TSC2: variants seen among roughly 807,000 people sequenced by gnomAD.
TSC2 encodes tuberin.
Under a neutral mutation model 202.2 loss-of-function variants are expected in TSC2, and 29 were observed. That is an observed-to-expected ratio of 0.14 (90% CI 0.11 to 0.20). The LOEUF is 0.20. Ranked by LOEUF, TSC2 falls within the 10% of genes least tolerant of loss-of-function variation. TSC2 has a pLI of 1.00. For missense variants in TSC2, 2,429 were observed against 2,420.0 expected, an observed-to-expected ratio of 1.00 and a Z score of -0.08; for synonymous variants, 1,349 against 1,044.0, an observed-to-expected ratio of 1.29 and a Z score of -5.63.
chr16:2,070,915 G>A (rs941208887), intron 17 of TSC2, among the ~76,000 whole-genome samples: 3 of 152,122 alleles, frequency 2.0e-5, no homozygotes, highest in Admixed American at 6.6e-5. Flanking sequence ...CTGGGCAGGT[G>A]GGCGGCACAG....
Position 2,083,749 on chromosome 16 carries a change from A to G in TSC2, c.3938A>G (p.Glu1313Gly). ...GSPGEVPVLV[E>G]PPGLEDVEAA... ...CCGGGCGAGGTTCCTGTGCTGGTGGAGCCCCCAGGGTTGGAGGACGTTGAG... is the reference window on the plus strand; with the variant it reads ...CCGGGCGAGGTTCCTGTGCTGGTGGGGCCCCCAGGGTTGGAGGACGTTGAG... Residue 1313 changes from glutamate (E) to glycine (G), a missense_variant, in exon 33 of 42, where the codon GAG becomes GGG. Transcript: ENST00000219476. 6.2e-7 allele frequency: 1 copy of G among 1,607,748 alleles called. No individual in the cohort carries two copies. Among genetic ancestry groups the G allele is most frequent in the South Asian group, 1.1e-5 (1 of 89,734 alleles).
chr16:2,055,929 T>C, intron 6 of TSC2: 1 of 571,098 alleles, frequency 1.8e-6, no homozygotes, highest in Non-Finnish European at 3.1e-6. Context: ...GTAGCTATCT[T>C]CTGTTTAGCT....
intron 11 of TSC2, chr16:2,061,155 A>G: frequency 2.5e-6 from 1 of 395,420 alleles, no homozygotes; most frequent in East Asian, 5.5e-5. Flanking sequence ...TGGCTTCCGC[A>G]TGACTTTGGA....
intron 33 of TSC2, among the ~76,000 whole-genome samples, 180 bp from the exon 34 acceptor site, chr16:2,084,048 T>C (rs2090459321): frequency 2.0e-5 from 3 of 152,142 alleles, no homozygotes; most frequent in South Asian, 2.1e-4. Flanking sequence ...GCTCACGCAG[T>C]GTGGGGCACA....
In TSC2 at chr16:2,076,467, G is replaced by A. The variant is rs761565327; in HGVS notation, c.2743-24G>A. ...CCAGCCCCCATTGCCACCCCTCACTGTCTGGGTGTGCTCACTCTGCCAGGG... is the reference window on the plus strand; with the variant it reads ...CCAGCCCCCATTGCCACCCCTCACTATCTGGGTGTGCTCACTCTGCCAGGG... On this transcript the variant is annotated intron_variant, in intron 24 of 41. Transcript: ENST00000219476. 6.8e-6 allele frequency: 11 copies of A among 1,612,818 alleles called. No individual in the cohort carries two copies. In the African/African-American group the frequency reaches 1.5e-4, roughly 22 times the overall value.
At chr16:2,084,182 G>C (rs199721718) in intron 33 of TSC2, 46 bp from the exon 34 acceptor site, 3 of 1,551,452 alleles carry the variant, frequency 1.9e-6, no homozygotes, top group Non-Finnish European at 1.7e-6. Flanking sequence ...AGGTGGGCTC[G>C]AGGGTGCCTG....
chr16:2,048,036 G>T lies in TSC2; in HGVS notation c.-59G>T. 7.0e-7 allele frequency: 1 copy of T among 1,430,068 alleles called. No homozygotes were observed. Among genetic ancestry groups the T allele is most frequent in the African/African-American group, 1.5e-5 (1 of 67,096 alleles). The allele number at this position is 1,430,068 out of a possible 1,614,324, so 88.6% of individuals were successfully genotyped here. A position where few individuals can be genotyped will look rare whatever the true frequency, so the allele number is the denominator to read the frequency against. ...GGGGTGCGCCTTTCTCCGCGTCGGG[G>T]CGGCCCGGAGCGCGGTGGCGCGGCG... On this transcript the variant is annotated 5_prime_UTR_variant, in exon 1 of 42. Coordinates refer to ENST00000219476, the MANE Select transcript of TSC2 (RefSeq NM_000548.5).
In TSC2 at chr16:2,088,909, C is replaced by A. The variant is rs1349970515; in HGVS notation, c.*299C>A. On this transcript the variant is annotated 3_prime_UTR_variant, in exon 42 of 42. Coordinates refer to ENST00000219476, the MANE Select transcript of TSC2 (RefSeq NM_000548.5). Reference sequence around the variant, plus strand: ...CACACACACACACACAGTCACCTTCCTCCACCCTGGGAGCCAGCCCCCAGG... The same window carrying A: ...CACACACACACACACAGTCACCTTCATCCACCCTGGGAGCCAGCCCCCAGG... 4.9e-6 allele frequency: 2 copies of A among 410,546 alleles called. No homozygotes were observed. Among genetic ancestry groups the A allele is most frequent in the Non-Finnish European group, 8.9e-6 (2 of 224,066 alleles). 25.4% of individuals were successfully genotyped at this position (410,546 alleles called of 1,614,324 possible). A position where few individuals can be genotyped will look rare whatever the true frequency, so the allele number is the denominator to read the frequency against.
intron 29 of TSC2, 37 bp from the exon 30 acceptor site, chr16:2,080,128 T>G: frequency 6.2e-7 from 1 of 1,611,602 alleles, no homozygotes; most frequent in Non-Finnish European, 8.5e-7. Context: ...TTGCATCAGG[T>G]AAGTGGTGGT....
Position 2,072,301 on chromosome 16 carries a change from A to C in TSC2, c.2158A>C (p.Lys720Gln), listed in dbSNP as rs1195091149. The C allele has an allele frequency of 6.2e-7, 1 of 1,614,094 alleles. No homozygotes were observed. The highest frequency in any genetic ancestry group is 8.5e-7 in the Non-Finnish European group (1 of 1,180,032). Residue 720 changes from lysine to glutamine, a missense_variant, in exon 20 of 42, where the codon AAA becomes CAA. Lys to Gln is a moderately conservative substitution (Grantham distance 53, BLOSUM62 1). Coordinates refer to ENST00000219476, the MANE Select transcript of TSC2 (RefSeq NM_000548.5). ...CAGGCTGCCTGAGTCCCTGCGCTAT[A>C]AAGTGCTCATCTTTACTTCCCCTTG... Reference protein sequence around the residue: ...LGRLPESLRYKVLIFTSPCSV... With the variant: ...LGRLPESLRYQVLIFTSPCSV...
At chr16:2,065,482 A>G (rs758505745) in intron 15 of TSC2, 37 bp from the exon 16 acceptor site, 4 of 1,552,516 alleles carry the variant, frequency 2.6e-6, no homozygotes, top group Non-Finnish European at 3.6e-6. Flanking sequence ...ACTCAGAACC[A>G]TGAGCCTGTG....
chr16:2,064,666 G>A, intron 15 of TSC2: 1 of 637,464 alleles, frequency 1.6e-6, no homozygotes, highest in Non-Finnish European at 2.7e-6. Context: ...CAGCTGGGCT[G>A]GGCCTCCTGG....
chr16:2,064,499 C>G (rs1174211032), intron 15 of TSC2, 72 bp downstream of exon 15: 3 of 1,603,878 alleles, frequency 1.9e-6, no homozygotes, highest in South Asian at 1.1e-5. Flanking sequence ...CCTCTGGGCC[C>G]TCTGTCCTCC....
At chr16:2,052,868 C>T (rs1438441503) in intron 3 of TSC2, among the ~76,000 whole-genome samples, 1 of 152,114 alleles carries the variant, frequency 6.6e-6, no homozygotes, top group South Asian at 2.1e-4. Flanking sequence ...CAGCAGAGGT[C>T]GGGCAGGGGC....
In TSC2 at chr16:2,072,923, C is replaced by T. The variant is rs45509500; in HGVS notation, c.2295C>T (p.Ala765=). 4.5e-5 allele frequency: 73 copies of T among 1,613,618 alleles called. No homozygotes were observed. The African/African-American group carries it at 8.0e-4, about 18-fold the overall frequency. Residue 765 remains alanine (A), a synonymous_variant, in exon 21 of 42, where the codon GCC becomes GCT. Coordinates refer to ENST00000219476, the MANE Select transcript of TSC2 (RefSeq NM_000548.5). ...TCTCCAGAACTGACTTGCACCTGGC[C>T]GTGGTTCCAGTGCTGACAGCATTAA... ...EGFSRTDLHL[A]VVPVLTALIS...
Position 2,086,364 on chromosome 16 carries a change from G to A in TSC2, c.4834G>A (p.Asp1612Asn), listed in dbSNP as rs886051795. The stretch of plus-strand genomic sequence containing the variant: ...CGGCCAGTTCACCTACTGCTGGCAC[G>A]ATGACATCATGCAAGGTACGGCCTG... Reference protein sequence around the residue: ...EDGQFTYCWHDDIMQAVFHIA... With the variant: ...EDGQFTYCWHNDIMQAVFHIA... The change falls in exon 37 of 42, where the codon GAT (aspartate) becomes AAT (asparagine). Residue 1612 changes from aspartate (D) to asparagine (N), a missense_variant. Asp to Asn is a conservative substitution (Grantham distance 23, BLOSUM62 1). Coordinates refer to ENST00000219476, the MANE Select transcript of TSC2 (RefSeq NM_000548.5). The A allele has an allele frequency of 1.1e-5, 18 of 1,612,680 alleles. No homozygotes were observed. Among genetic ancestry groups the A allele is most frequent in the East Asian group, 8.9e-5 (4 of 44,886 alleles).
chr16:2,060,665 TC>T lies in TSC2; in HGVS notation c.976-3del, dbSNP rs2151134253. 6.2e-6 allele frequency: 10 copies of T among 1,614,046 alleles called. No homozygotes were observed. Among genetic ancestry groups the T allele is most frequent in the Non-Finnish European group, 8.5e-6 (10 of 1,180,004 alleles). ...CCCTGTGTGCTGGCCGGGCTCGTGT[TC>T]CAGGCCATGGCATGTCCGAACGAGG... On this transcript the variant is annotated splice_region_variant and splice_polypyrimidine_tract_variant and intron_variant, in intron 10 of 41. Coordinates refer to ENST00000219476, the MANE Select transcript of TSC2 (RefSeq NM_000548.5).
intron 37 of TSC2, 121 bp downstream of exon 37, chr16:2,086,500 C>T (rs1169752367): frequency 1.4e-5 from 20 of 1,457,108 alleles, no homozygotes; most frequent in Admixed American, 7.9e-5. Flanking sequence ...CAGCTCCCCA[C>T]GCCTCAGGTT....
rs1328003906 is a variant in TSC2, at chr16:2,088,637, C to CCTTGGACGG, written c.*28_*36dup. ...GCCGGGGCCCTCCCTCCTGCACTGG[C>CCTTGGACGG]CTTGGACGGTATTGCCTGTCAGTGA... is the stretch of plus-strand genomic sequence containing the variant. On this transcript the variant is annotated 3_prime_UTR_variant, in exon 42 of 42. Coordinates refer to ENST00000219476, the MANE Select transcript of TSC2 (RefSeq NM_000548.5). 3.8e-6 allele frequency: 6 copies of CCTTGGACGG among 1,592,406 alleles called. No individual in the cohort carries two copies. Among genetic ancestry groups the CCTTGGACGG allele is most frequent in the Non-Finnish European group, 1.7e-6 (2 of 1,176,410 alleles).
Sources: allele counts gnomAD v4.1 joint callset (sites outside exome capture counted in the v4.1 genomes callset), GRCh38; gene constraint gnomAD v4.1.1; transcripts MANE v1.5; gene names NCBI Gene and HGNC (gene_info 2026-07-23, HGNC 2026-07-21).